The following SUMF1 variants were observed in gnomAD, a reference collection of about 807,000 sequenced individuals.
The protein encoded by SUMF1 is sulfatase modifying factor 1.
In SUMF1, 48 loss-of-function variants were observed where a neutral mutation model predicts 47.6. The observed-to-expected ratio is 1.01, with a 90% CI of 0.80 to 1.28. SUMF1 has a LOEUF of 1.28. Ranked by LOEUF, SUMF1 falls within the 50% of genes most tolerant of loss-of-function variation. The pLI, the probability that SUMF1 is intolerant of heterozygous loss-of-function variation, is 0.00. For missense variants in SUMF1, 571 were observed against 485.4 expected (o/e 1.18, Z -1.66); for synonymous variants, 230 against 192.1 (o/e 1.20, Z -1.63).
intron 8 of SUMF1, among the ~76,000 whole-genome samples, chr3:4,288,765 T>C (rs775550785): frequency 1.8e-4 from 27 of 151,632 alleles, no homozygotes; most frequent in Non-Finnish European, 3.1e-4. Flanking sequence ...ATCGTGTCAT[T>C]TGCACTCCAG....
chr3:4,149,708 T>C (rs1380469522), intron 8 of SUMF1, among the ~76,000 whole-genome samples: 1 of 152,092 alleles, frequency 6.6e-6, no homozygotes, highest in East Asian at 1.9e-4. Context: ...ATCTCGAAAA[T>C]TCACTGATAT....
intron 8 of SUMF1, among the ~76,000 whole-genome samples, chr3:4,090,238 A>G (rs1692756331): frequency 6.6e-6 from 1 of 152,142 alleles, no homozygotes; most frequent in African/African-American, 2.4e-5. Flanking sequence ...AGGAAAAAAA[A>G]TCATTTCCTA....
In SUMF1 at chr3:4,380,927, A is replaced by C. The variant is rs187043538; in HGVS notation, c.955-4538T>G. 3.3e-5 allele frequency among the ~76,000 whole-genome samples: 5 copies of C among 152,296 alleles called. No individual in the cohort carries two copies. In the East Asian group the frequency reaches 9.7e-4, roughly 29 times the overall value. ...CATGTAAGTCTTTAAGGATGAGTTG[A>C]ATCCACTGGAGATGCCACAGAACCA... is the stretch of plus-strand genomic sequence containing the variant. On this transcript the variant is annotated intron_variant, in intron 7 of 8. Coordinates refer to ENST00000272902, the MANE Select transcript of SUMF1 (RefSeq NM_182760.4).
At chr3:4,378,795 G>A (rs1299250199) in intron 7 of SUMF1, among the ~76,000 whole-genome samples, 3 of 152,200 alleles carry the variant, frequency 2.0e-5, no homozygotes, top group Non-Finnish European at 2.9e-5. Flanking sequence ...TTCTCTGCAT[G>A]CTCTGTTACA....
At chr3:4,157,160 C>G (rs1378532246) in intron 8 of SUMF1, among the ~76,000 whole-genome samples, 1 of 151,542 alleles carries the variant, frequency 6.6e-6, no homozygotes. Flanking sequence ...GGTCTTATCA[C>G]AGGGATAATT....
chr3:4,290,684 C>T (rs1242813382), intron 8 of SUMF1, among the ~76,000 whole-genome samples: 3 of 152,122 alleles, frequency 2.0e-5, no homozygotes, highest in Non-Finnish European at 2.9e-5. Context: ...TCTAAATTTC[C>T]ATGCTGCCTT....
At chr3:4,036,882 G>C (rs1205282652) in intron 9 of SUMF1, among the ~76,000 whole-genome samples, 2 of 145,340 alleles carry the variant, frequency 1.4e-5, no homozygotes, top group Non-Finnish European at 3.0e-5. Flanking sequence ...AAGAGACCAT[G>C]GTGAAATCAC....
Position 4,467,260 on chromosome 3 carries a change from C to T in SUMF1, c.-15G>A. ...GGCGCAGCCATGTTGTCCCGCGGGC[C>T]ATGTGACCCGGTTGGTCACGTGGCT... On this transcript the variant is annotated 5_prime_UTR_variant, in exon 1 of 9. An upstream start codon of the reference 5' UTR is lost. Transcript: ENST00000272902. 1 of 1,604,636 alleles carries T rather than the reference C, an allele frequency of 6.2e-7. No individual in the cohort carries two copies. Among genetic ancestry groups the T allele is most frequent in the Non-Finnish European group, 8.5e-7 (1 of 1,176,194 alleles).
chr3:4,228,201 T>G (rs992564073), intron 8 of SUMF1, among the ~76,000 whole-genome samples: 1 of 152,086 alleles, frequency 6.6e-6, no homozygotes, highest in Non-Finnish European at 1.5e-5. Flanking sequence ...AATCTTCAGT[T>G]TATCTTATGA....
At chr3:4,109,224 C>A (rs1037084315) in intron 8 of SUMF1, among the ~76,000 whole-genome samples, 5 of 151,950 alleles carry the variant, frequency 3.3e-5, no homozygotes, top group African/African-American at 9.7e-5. Flanking sequence ...GTTGAAAATT[C>A]TTTTCTTTAA....
chr3:4,141,241 C>T (rs1372646736), intron 8 of SUMF1, among the ~76,000 whole-genome samples: 3 of 152,148 alleles, frequency 2.0e-5, no homozygotes, highest in Admixed American at 1.3e-4. Flanking sequence ...TATCTCATTT[C>T]CCTCCTAATA....
At chr3:4,120,057 G>A (rs2125077019) in intron 8 of SUMF1, among the ~76,000 whole-genome samples, 1 of 152,254 alleles carries the variant, frequency 6.6e-6, no homozygotes, top group Admixed American at 6.5e-5. Context: ...TCACAGAGGA[G>A]AGAAAGCTGA....
chr3:4,391,669 T>C lies in SUMF1; in HGVS notation c.955-15280A>G, dbSNP rs373948455. Among the ~76,000 whole-genome samples, 8 of 151,912 alleles carry C rather than the reference T, an allele frequency of 5.3e-5. No homozygotes were observed. In the East Asian group the frequency reaches 7.7e-4, roughly 15 times the overall value. On this transcript the variant is annotated intron_variant, in intron 7 of 8. Transcript: ENST00000272902. ...GACTAATTTTTGTAATTTTTGTGGATATAGGGTTTTGCCATGTTGCCCAGG... is the reference window on the plus strand; with the variant it reads ...GACTAATTTTTGTAATTTTTGTGGACATAGGGTTTTGCCATGTTGCCCAGG...
At chr3:4,328,837 C>G (rs756288155) in intron 8 of SUMF1, among the ~76,000 whole-genome samples, 48 of 152,202 alleles carry the variant, frequency 3.2e-4, no homozygotes, top group Middle Eastern at 3.4e-3. Flanking sequence ...GTCCCTTTCA[C>G]CTATGAGCCT....
chr3:4,375,408 C>T (rs1700297608), intron 8 of SUMF1, among the ~76,000 whole-genome samples: 1 of 152,134 alleles, frequency 6.6e-6, no homozygotes, highest in East Asian at 1.9e-4. Context: ...ATGCCCAGCT[C>T]ACACTGAAGA....
In SUMF1 at chr3:4,293,767, A is replaced by ATATACT. The variant is rs1697786306; in HGVS notation, c.1014+82562_1014+82563insAGTATA. Among the ~76,000 whole-genome samples, 8 of 152,352 alleles carry ATATACT rather than the reference A, an allele frequency of 5.3e-5. 1 individual carries two copies. The South Asian group carries it at 1.7e-3, about 32-fold the overall frequency. On this transcript the variant is annotated intron_variant and NMD_transcript_variant, in intron 8 of 12. Transcript: ENST00000448413. ...AATGTGATTATATTTTCAAAGCCCA[A>ATATACT]GAGCACAACCCTTAGTAAAAACATC...
chr3:4,430,819 C>T (rs552531136), intron 3 of SUMF1, among the ~76,000 whole-genome samples: 66 of 152,042 alleles, frequency 4.3e-4, no homozygotes, highest in African/African-American at 1.3e-3. Flanking sequence ...GTGCTTCCTG[C>T]GGGAGGTAAG....
chr3:4,161,387 T>C (rs972423391), intron 8 of SUMF1, among the ~76,000 whole-genome samples: 1 of 152,090 alleles, frequency 6.6e-6, no homozygotes, highest in African/African-American at 2.4e-5. Context: ...TCCTTTCAGG[T>C]CAGTGAGTTC....
chr3:4,135,700 T>C (rs1447004810), intron 8 of SUMF1, among the ~76,000 whole-genome samples: 1 of 152,192 alleles, frequency 6.6e-6, no homozygotes, highest in African/African-American at 2.4e-5. Flanking sequence ...TGTTGGCAGA[T>C]GACATGATTG....
Sources: allele counts gnomAD v4.1 joint callset (sites outside exome capture counted in the v4.1 genomes callset), GRCh38; gene constraint gnomAD v4.1.1; transcripts MANE v1.5; gene names NCBI Gene and HGNC (gene_info 2026-07-23, HGNC 2026-07-21).